Variants in MRC1 observed in about 807,000 individuals in gnomAD.
MRC1 encodes the protein mannose receptor C-type 1.
A neutral mutation model predicts 102.9 loss-of-function variants in MRC1; 62 were observed. That is an observed-to-expected ratio of 0.60 (90% CI 0.49 to 0.74). MRC1 has a LOEUF of 0.74. MRC1 is among the 30% of genes least tolerant of loss of function. The pLI, the probability that MRC1 is intolerant of heterozygous loss-of-function variation, is 0.00. For missense variants in MRC1, 1,237 were observed against 862.8 expected, an observed-to-expected ratio of 1.43 and a Z score of -5.43; for synonymous variants, 457 against 298.4, an observed-to-expected ratio of 1.53 and a Z score of -5.48.
intron 19 of MRC1, 75 bp from the exon 20 acceptor site, chr10:17,880,450 A>G (rs887368090): frequency 3.2e-5 from 24 of 759,260 alleles, no homozygotes; most frequent in Non-Finnish European, 5.8e-5. Context: ...CTTGTAAAAT[A>G]GAAATATATT....
chr10:17,852,942 C>A lies in MRC1; in HGVS notation c.1250-25C>A, dbSNP rs564838449. ...CTTTGGAAAGCAACCCTTGTATATA[C>A]CACTGTGTGTTTCTTCCTGTTTAGA... On this transcript the variant is annotated intron_variant, in intron 7 of 29. Coordinates refer to ENST00000569591, the MANE Select transcript of MRC1 (RefSeq NM_002438.4). The A allele has an allele frequency of 5.6e-5, 44 of 780,764 alleles. 1 individual carries two copies. The African/African-American group carries it at 5.7e-4, about 10-fold the overall frequency. The allele number at this position is 780,764 out of a possible 1,614,324, so 48.4% of individuals were successfully genotyped here. A position where few individuals can be genotyped will look rare whatever the true frequency, so the allele number is the denominator to read the frequency against.
chr10:17,903,861 C>T (rs2130721528), intron 26 of MRC1, among the ~76,000 whole-genome samples: 1 of 152,114 alleles, frequency 6.6e-6, no homozygotes, highest in South Asian at 2.1e-4. Flanking sequence ...GAAGCTGAAA[C>T]AGGAGAATCA....
chr10:17,884,482 T>C (rs1354958991), intron 21 of MRC1, among the ~76,000 whole-genome samples: 1 of 152,208 alleles, frequency 6.6e-6, no homozygotes, highest in Non-Finnish European at 1.5e-5. Context: ...GGGTAATTTA[T>C]AAAGGAAAGA....
intron 1 of MRC1, among the ~76,000 whole-genome samples, chr10:17,816,359 G>A (rs542834355): frequency 1.3e-5 from 2 of 152,180 alleles, no homozygotes; most frequent in African/African-American, 2.4e-5. Flanking sequence ...ACAGGGTAAC[G>A]GGGAAGTGAG....
In MRC1 at chr10:17,827,252, G is replaced by A. The variant is rs888742970; in HGVS notation, c.464-290G>A. Among the ~76,000 whole-genome samples the A allele has an allele frequency of 6.6e-5, 10 of 151,282 alleles. 1 individual carries two copies. The East Asian group carries it at 9.7e-4, about 15-fold the overall frequency. ...TGGTACAACTTAACAAATTAGTCTCGTTTGAAAATGTCCCAAAACGCAGTG... is the reference window on the plus strand; with the variant it reads ...TGGTACAACTTAACAAATTAGTCTCATTTGAAAATGTCCCAAAACGCAGTG... On this transcript the variant is annotated intron_variant, in intron 2 of 29. Coordinates refer to ENST00000569591, the MANE Select transcript of MRC1 (RefSeq NM_002438.4).
chr10:17,870,519 A>T lies in MRC1; in HGVS notation c.2111+146A>T. The T allele has an allele frequency of 6.9e-6, 5 of 721,620 alleles. No individual in the cohort carries two copies. The South Asian group carries it at 8.0e-5, about 11-fold the overall frequency. 44.7% of individuals were successfully genotyped at this position (721,620 alleles called of 1,614,324 possible). A position where few individuals can be genotyped will look rare whatever the true frequency, so the allele number is the denominator to read the frequency against. ...CTCCCAAATCTGTGGGCCCTGTTTG[A>T]TCTAGTTTCGCTTTCAAATCCTTTA... On this transcript the variant is annotated intron_variant, in intron 13 of 29. Transcript: ENST00000569591.
At chr10:17,816,954 A>T (rs989167805) in intron 1 of MRC1, among the ~76,000 whole-genome samples, 6 of 152,026 alleles carry the variant, frequency 3.9e-5, no homozygotes, top group South Asian at 2.1e-4. Flanking sequence ...AAAAATGCTT[A>T]AAAAAAATCC....
At chr10:17,829,480 C>T (rs1000481138) in intron 3 of MRC1, among the ~76,000 whole-genome samples, 8 of 151,596 alleles carry the variant, frequency 5.3e-5, no homozygotes, top group South Asian at 2.1e-4. Flanking sequence ...ACTGCTGCCT[C>T]GGTCTTAACT....
At chr10:17,900,670 G>C (rs1049748862) in intron 24 of MRC1, 118 bp from the exon 25 acceptor site, 1 of 753,132 alleles carries the variant, frequency 1.3e-6, no homozygotes, top group African/African-American at 1.7e-5. Flanking sequence ...ATTCTCAAAT[G>C]TTCCAGGTTC....
At chr10:17,887,998 G>T (rs1199768823) in intron 22 of MRC1, among the ~76,000 whole-genome samples, 1 of 152,048 alleles carries the variant, frequency 6.6e-6, no homozygotes, top group African/African-American at 2.4e-5. Context: ...TAGAGATGGG[G>T]TTTCACTATG....
chr10:17,862,672 T>G (rs1265806974), intron 10 of MRC1, among the ~76,000 whole-genome samples: 1 of 152,316 alleles, frequency 6.6e-6, no homozygotes, highest in East Asian at 1.9e-4. Context: ...TTGGTTTGTT[T>G]TGTTTAGGGA....
chr10:17,844,350 C>T (rs1237240617), intron 5 of MRC1, among the ~76,000 whole-genome samples: 1 of 152,132 alleles, frequency 6.6e-6, no homozygotes, highest in East Asian at 1.9e-4. Flanking sequence ...TCCCAAGTAG[C>T]TGGGATTACA....
At chr10:17,843,053 T>G (rs1003336659) in intron 5 of MRC1, among the ~76,000 whole-genome samples, 15 of 152,316 alleles carry the variant, frequency 9.8e-5, no homozygotes, top group African/African-American at 1.4e-4. Context: ...ACTTTTGAAG[T>G]GAGGATGTTT....
chr10:17,892,995 C>T (rs1455947985), intron 22 of MRC1, among the ~76,000 whole-genome samples: 2 of 138,444 alleles, frequency 1.4e-5, no homozygotes, highest in African/African-American at 5.5e-5. Context: ...GGCGACAGAG[C>T]GAGACTCCAT....
chr10:17,897,202 A>C, intron 23 of MRC1, among the ~76,000 whole-genome samples: 1 of 152,220 alleles, frequency 6.6e-6, no homozygotes, highest in East Asian at 1.9e-4. Flanking sequence ...CACAGGTCAG[A>C]TTTCATCCTC....
At chr10:17,862,164 T>G (rs2130661919) in intron 10 of MRC1, among the ~76,000 whole-genome samples, 1 of 152,286 alleles carries the variant, frequency 6.6e-6, no homozygotes, top group South Asian at 2.1e-4. Flanking sequence ...GTACAATAAG[T>G]TATATTTACT....
At chr10:17,829,577 T>G (rs1838537959) in intron 3 of MRC1, among the ~76,000 whole-genome samples, 2 of 151,580 alleles carry the variant, frequency 1.3e-5, no homozygotes, top group South Asian at 2.1e-4. Context: ...AATTTTGTAT[T>G]CGAAGTATTT....
At chr10:17,903,204 A>G (rs1833851919) in intron 26 of MRC1, among the ~76,000 whole-genome samples, 1 of 151,778 alleles carries the variant, frequency 6.6e-6, no homozygotes, top group Non-Finnish European at 1.5e-5. Flanking sequence ...ATGTTTTTTG[A>G]TTGTAGTGTT....
At chr10:17,849,089 G>A (rs2130640857) in intron 6 of MRC1, among the ~76,000 whole-genome samples, 1 of 149,556 alleles carries the variant, frequency 6.7e-6, no homozygotes, top group Non-Finnish European at 1.5e-5. Flanking sequence ...ACAAGATTTA[G>A]ATAATCTAAT....
Sources: allele counts gnomAD v4.1 joint callset (sites outside exome capture counted in the v4.1 genomes callset), GRCh38; gene constraint gnomAD v4.1.1; transcripts MANE v1.5; gene names NCBI Gene and HGNC (gene_info 2026-07-23, HGNC 2026-07-21).